CTXND1: variants seen among roughly 807,000 people sequenced by gnomAD.
CTXND1 encodes the protein cortexin domain containing 1, also known as cortexin domain-containing 1 protein.
At chr15:80,202,270 A>C (rs1893082508) in intron 2 of CTXND1, among the ~76,000 whole-genome samples, 1 of 150,098 alleles carries the variant, frequency 6.7e-6, no homozygotes. Context: ...GGGAGGTGAC[A>C]GATGAGTCCC....
At chr15:80,248,343 G>A (rs536873187) in intron 1 of CTXND1, among the ~76,000 whole-genome samples, 2 of 152,282 alleles carry the variant, frequency 1.3e-5, no homozygotes, top group African/African-American at 4.8e-5. Context: ...CCTGCACAGG[G>A]GTCATTTCTA....
At chr15:80,204,254 AT>A (rs1161023437) in intron 1 of CTXND1, among the ~76,000 whole-genome samples, 5 of 149,386 alleles carry the variant, frequency 3.3e-5, no homozygotes, top group African/African-American at 9.9e-5. Flanking sequence ...ACTTAAAAAA[AT>A]GTGACCACAT....
chr15:80,239,995 T>G (rs904137125), intron 1 of CTXND1, among the ~76,000 whole-genome samples: 1 of 152,270 alleles, frequency 6.6e-6, no homozygotes, highest in Non-Finnish European at 1.5e-5. Flanking sequence ...GACGGAGTTT[T>G]GCTCTTGTTG....
At chr15:80,218,300 A>G (rs942674671) in intron 1 of CTXND1, among the ~76,000 whole-genome samples, 1 of 151,946 alleles carries the variant, frequency 6.6e-6, no homozygotes, top group Non-Finnish European at 1.5e-5. Flanking sequence ...CACACCTGGC[A>G]ATGTTTTTAA....
intron 1 of CTXND1, among the ~76,000 whole-genome samples, chr15:80,214,266 C>T (rs923510020): frequency 3.4e-5 from 5 of 147,870 alleles, no homozygotes; most frequent in African/African-American, 1.2e-4. Context: ...TGTGTTTGAA[C>T]ATTTAAAGAT....
intron 1 of CTXND1, among the ~76,000 whole-genome samples, chr15:80,219,532 T>C (rs1460831863): frequency 6.6e-6 from 1 of 152,210 alleles, no homozygotes; most frequent in Non-Finnish European, 1.5e-5. Context: ...AAGATTTTTC[T>C]AGGCTATGTT....
At chr15:80,229,800 C>T (rs1468979145) in intron 1 of CTXND1, among the ~76,000 whole-genome samples, 1 of 152,160 alleles carries the variant, frequency 6.6e-6, no homozygotes, top group Non-Finnish European at 1.5e-5. Context: ...AGAAGGTTAG[C>T]TGCACAAAAA....
intron 1 of CTXND1, among the ~76,000 whole-genome samples, chr15:80,204,816 G>T (rs1893131959): frequency 6.6e-6 from 1 of 152,084 alleles, no homozygotes. Context: ...TATATAAGCA[G>T]AAGTGGCATT....
At chr15:80,202,049 G>A (rs2041452830) in intron 2 of CTXND1, 35 bp from the exon 3 acceptor site, 2 of 397,886 alleles carry the variant, frequency 5.0e-6, no homozygotes, top group South Asian at 1.4e-4. Context: ...GGAAGGAGGG[G>A]CATGGTCAGG....
chr15:80,198,030 C>A lies in CTXND1; in HGVS notation c.*3740G>T, dbSNP rs2041429267. 6.6e-6 allele frequency: 1 copy of A among 152,182 alleles called. No homozygotes were observed. Among genetic ancestry groups the A allele is most frequent in the African/African-American group, 2.4e-5 (1 of 41,432 alleles). 9.4% of individuals were successfully genotyped at this position (152,182 alleles called of 1,614,324 possible). ...TATACATATCCACCTGTCTGAGCAT[C>A]CTTAGAGGCCACATTTCTTCTAGTG... On this transcript the variant is annotated 3_prime_UTR_variant, in exon 3 of 3. Transcript: ENST00000560778.
At chr15:80,204,647 G>GTATATCTATA (rs1893127739) in intron 1 of CTXND1, among the ~76,000 whole-genome samples, 1 of 131,342 alleles carries the variant, frequency 7.6e-6, no homozygotes, top group East Asian at 2.3e-4. Context: ...ATATTCCATT[G>GTATATCTATA]TATATATATA....
intron 2 of CTXND1, among the ~76,000 whole-genome samples, chr15:80,202,763 A>AG (rs1285692092): frequency 6.6e-6 from 1 of 152,242 alleles, no homozygotes; most frequent in Non-Finnish European, 1.5e-5. Context: ...AGGTCCTCAC[A>AG]GGGACTCTCT....
intron 1 of CTXND1, among the ~76,000 whole-genome samples, chr15:80,234,458 C>A (rs566583186): frequency 1.1e-3 from 171 of 149,610 alleles, no homozygotes; most frequent in Non-Finnish European, 2.0e-3. Flanking sequence ...ATGTATTATT[C>A]CACAATTTGA....
At chr15:80,213,929 T>C (rs2142126406) in intron 1 of CTXND1, among the ~76,000 whole-genome samples, 1 of 151,152 alleles carries the variant, frequency 6.6e-6, no homozygotes, top group South Asian at 2.1e-4. Context: ...GAGTTACCTC[T>C]ACCACTAAGA....
intron 1 of CTXND1, among the ~76,000 whole-genome samples, chr15:80,224,873 A>G (rs1293731507): frequency 1.3e-5 from 2 of 152,200 alleles, no homozygotes; most frequent in African/African-American, 4.8e-5. Context: ...CCTCCCAAGC[A>G]GCCGAGATTA....
chr15:80,229,730 C>T (rs1283245244), intron 1 of CTXND1, among the ~76,000 whole-genome samples: 1 of 152,172 alleles, frequency 6.6e-6, no homozygotes, highest in East Asian at 1.9e-4. Context: ...TAGTCAAAAG[C>T]TGAAAAAGCC....
chr15:80,214,459 C>CAG (rs1595905033), intron 1 of CTXND1, among the ~76,000 whole-genome samples: 2 of 152,040 alleles, frequency 1.3e-5, no homozygotes, highest in East Asian at 3.8e-4. Flanking sequence ...CTGCAGACTG[C>CAG]ATTTTTGACC....
chr15:80,248,708 G>C (rs72740101), intron 1 of CTXND1, among the ~76,000 whole-genome samples: 1 of 152,112 alleles, frequency 6.6e-6, no homozygotes, highest in Non-Finnish European at 1.5e-5. Context: ...AGGGTAGCCG[G>C]AGGGAACTGG....
chr15:80,208,466 G>T (rs1208639965), intron 1 of CTXND1, among the ~76,000 whole-genome samples: 1 of 152,088 alleles, frequency 6.6e-6, no homozygotes, highest in Admixed American at 6.5e-5. Flanking sequence ...TGCTTTAATT[G>T]CTTTTTTTTG....
Sources: allele counts gnomAD v4.1 joint callset (sites outside exome capture counted in the v4.1 genomes callset), GRCh38; gene constraint gnomAD v4.1.1; transcripts MANE v1.5; gene names NCBI Gene and HGNC (gene_info 2026-07-23, HGNC 2026-07-21).